The following CSNK2A2IP variants were observed in gnomAD, a reference collection of about 807,000 sequenced individuals.
The protein encoded by CSNK2A2IP is casein kinase II subunit alpha'-interacting protein.
the CSNK2A2IP span, among the ~76,000 whole-genome samples, chr3:88,423,603 T>A: frequency 6.6e-6 from 1 of 152,092 alleles, no homozygotes; most frequent in African/African-American, 2.4e-5. Context: ...CACTAATATG[T>A]GAAGAAAACC....
chr3:88,427,928 C>T, the CSNK2A2IP span, among the ~76,000 whole-genome samples: 1 of 152,068 alleles, frequency 6.6e-6, no homozygotes, highest in African/African-American at 2.4e-5. Context: ...GGAGGGCCAC[C>T]ATCCCCCAGA....
At chr3:88,366,674 G>A in the CSNK2A2IP span, among the ~76,000 whole-genome samples, 4 of 152,074 alleles carry the variant, frequency 2.6e-5, no homozygotes, top group African/African-American at 4.8e-5. Flanking sequence ...TATTGAAGGA[G>A]GGGGAAGGCA....
chr3:88,419,260 A>G, the CSNK2A2IP span, among the ~76,000 whole-genome samples: 1 of 152,214 alleles, frequency 6.6e-6, no homozygotes, highest in Non-Finnish European at 1.5e-5. Flanking sequence ...ATTGTCTTCT[A>G]CAAAACTTGT....
chr3:88,366,563 T>C, the CSNK2A2IP span, among the ~76,000 whole-genome samples: 5 of 152,282 alleles, frequency 3.3e-5, no homozygotes, highest in South Asian at 1.0e-3. Context: ...CTACCATGTT[T>C]ATATTTTAGC....
the CSNK2A2IP span, among the ~76,000 whole-genome samples, chr3:88,425,386 A>G: frequency 6.6e-6 from 1 of 152,138 alleles, no homozygotes; most frequent in Non-Finnish European, 1.5e-5. Flanking sequence ...AAGACTTGCT[A>G]ACCTACATAA....
At chr3:88,407,520 A>G in the CSNK2A2IP span, among the ~76,000 whole-genome samples, 1 of 152,080 alleles carries the variant, frequency 6.6e-6, no homozygotes, top group Non-Finnish European at 1.5e-5. Context: ...CACTTTTGGA[A>G]TCATAGTCAC....
chr3:88,391,116 G>A, the CSNK2A2IP span, among the ~76,000 whole-genome samples: 1 of 152,166 alleles, frequency 6.6e-6, no homozygotes, highest in Non-Finnish European at 1.5e-5. Context: ...CAGCTGCAAA[G>A]ACTAAGTGAA....
chr3:88,437,944 C>T, the CSNK2A2IP span, among the ~76,000 whole-genome samples: 40 of 152,080 alleles, frequency 2.6e-4, 1 homozygote, highest in East Asian at 2.5e-3. Context: ...TCCTAGATTA[C>T]GAAGTAGAAA....
chr3:88,366,426 GAAAAATTTATTTTTCTA>G, the CSNK2A2IP span, among the ~76,000 whole-genome samples: 1 of 152,024 alleles, frequency 6.6e-6, no homozygotes, highest in African/African-American at 2.4e-5. Flanking sequence ...AATTATGAGA[GAAAAATTTATTTTTCTA>G]AAAGAGATTT....
the CSNK2A2IP span, among the ~76,000 whole-genome samples, chr3:88,459,912 A>C: frequency 2.9e-3 from 438 of 152,144 alleles, 2 homozygotes; most frequent in African/African-American, 9.8e-3. Flanking sequence ...TATACTGTTA[A>C]ATTTAGTGTT....
the CSNK2A2IP span, among the ~76,000 whole-genome samples, chr3:88,421,736 T>C: frequency 1.3e-5 from 2 of 152,076 alleles, no homozygotes; most frequent in Non-Finnish European, 1.5e-5. Context: ...TTTAAAATTA[T>C]TTTTATTTTA....
At chr3:88,375,605 C>A in the CSNK2A2IP span, among the ~76,000 whole-genome samples, 3 of 151,492 alleles carry the variant, frequency 2.0e-5, no homozygotes, top group Admixed American at 6.6e-5. Flanking sequence ...TGTAAAATAA[C>A]CTGGAAATAA....
At chr3:88,352,739 C>A in the CSNK2A2IP span, among the ~76,000 whole-genome samples, 5,467 of 151,976 alleles carry the variant, frequency 0.036, 145 homozygotes, top group East Asian at 0.13. Flanking sequence ...ATATCACACC[C>A]CGCTTAATTA....
the CSNK2A2IP span, among the ~76,000 whole-genome samples, chr3:88,433,116 A>T: frequency 6.6e-6 from 1 of 152,088 alleles, no homozygotes. Context: ...TATTATTTTG[A>T]AAAGGTAAAT....
chr3:88,415,162 A>G, the CSNK2A2IP span, among the ~76,000 whole-genome samples: 1 of 152,112 alleles, frequency 6.6e-6, no homozygotes, highest in Non-Finnish European at 1.5e-5. Context: ...TTCTCCCTAA[A>G]TTCCTCACGA....
the CSNK2A2IP span, among the ~76,000 whole-genome samples, chr3:88,415,023 A>C: frequency 7.2e-3 from 1,080 of 150,744 alleles, 2 homozygotes; most frequent in East Asian, 0.012. Flanking sequence ...AAAAAAACCC[A>C]CACACACACA....
the CSNK2A2IP span, among the ~76,000 whole-genome samples, chr3:88,396,104 C>CTTT: frequency 1.7e-4 from 20 of 115,320 alleles, no homozygotes; most frequent in Admixed American, 2.8e-4. Context: ...CTACCTACTT[C>CTTT]TTTTTTTTTT....
chr3:88,403,157 AT>A, the CSNK2A2IP span, among the ~76,000 whole-genome samples: 1 of 152,070 alleles, frequency 6.6e-6, no homozygotes, highest in South Asian at 2.1e-4. Context: ...TTGTATGCTT[AT>A]AGCACAGGAA....
chr3:88,442,080 T>G, the CSNK2A2IP span, among the ~76,000 whole-genome samples: 1 of 152,202 alleles, frequency 6.6e-6, no homozygotes, highest in East Asian at 1.9e-4. Context: ...AAAATCCATT[T>G]ATCTCATGTA....
Sources: gnomAD v4.1 joint callset for allele counts (sites outside exome capture counted in the v4.1 genomes callset) on GRCh38, gnomAD v4.1.1 for gene constraint, MANE v1.5 for transcripts, NCBI Gene and HGNC (gene_info 2026-07-23, HGNC 2026-07-21) for gene names.